Variants in WHRN observed in about 807,000 individuals in gnomAD.
WHRN encodes CASK-interacting protein CIP98.
WHRN carries 41 observed loss-of-function variants against 68.3 expected under a neutral mutation model. The observed-to-expected ratio is 0.60, with a 90% confidence interval of 0.47 to 0.78. The LOEUF is 0.78. WHRN is among the 30% of genes least tolerant of loss of function. The pLI is 0.00. For missense variants in WHRN, 1,243 were observed against 1,244.7 expected, an observed-to-expected ratio of 1.00 and a Z score of 0.02; for synonymous variants, 560 against 561.3, an observed-to-expected ratio of 1.00 and a Z score of 0.03.
intron 3 of WHRN, among the ~76,000 whole-genome samples, chr9:114,461,780 C>A (rs549260486): frequency 6.6e-6 from 1 of 152,336 alleles, no homozygotes; most frequent in East Asian, 1.9e-4. Flanking sequence ...GGTTTGGTCT[C>A]CCCTGGCATA....
Position 114,426,408 on chromosome 9 carries a change from C to T in WHRN, c.969G>A (p.Gly323=). 1 of 1,613,202 alleles carries T rather than the reference C, an allele frequency of 6.2e-7. No homozygotes were observed. Among genetic ancestry groups the T allele is most frequent in the Non-Finnish European group, 8.5e-7 (1 of 1,179,826 alleles). ...GCCCATTCACTTCTAGAATCTGGTC[C>T]CCAACCTGCCAAGATCACCACACAA... ...SEAEGSGLKV[G]DQILEVNGRS... Residue 323 remains glycine (G), a synonymous_variant, in exon 4 of 12, where the codon GGG becomes GGA. Coordinates refer to ENST00000362057, the MANE Select transcript of WHRN (RefSeq NM_015404.4).
chr9:114,463,313 C>T (rs1840396364), intron 3 of WHRN, among the ~76,000 whole-genome samples: 1 of 152,232 alleles, frequency 6.6e-6, no homozygotes, highest in African/African-American at 2.4e-5. Context: ...TGGGAAATCA[C>T]TCATCCTGCT....
intron 2 of WHRN, among the ~76,000 whole-genome samples, chr9:114,473,162 G>A (rs1017422861): frequency 6.6e-6 from 1 of 152,216 alleles, no homozygotes; most frequent in African/African-American, 2.4e-5. Flanking sequence ...GTGGGACAGG[G>A]ACACTGTAGT....
chr9:114,435,002 TC>T (rs1174345273), intron 3 of WHRN, among the ~76,000 whole-genome samples: 1 of 152,086 alleles, frequency 6.6e-6, no homozygotes, highest in Non-Finnish European at 1.5e-5. Flanking sequence ...AGACCATTGT[TC>T]CTCTGCCCAA....
chr9:114,446,902 C>A (rs1031133797), intron 3 of WHRN, among the ~76,000 whole-genome samples: 1 of 151,922 alleles, frequency 6.6e-6, no homozygotes, highest in African/African-American at 2.4e-5. Context: ...ACCCCTTCCC[C>A]CTCCCTCCCC....
intron 3 of WHRN, among the ~76,000 whole-genome samples, chr9:114,458,081 T>A (rs537655341): frequency 2.0e-5 from 3 of 152,332 alleles, no homozygotes; most frequent in South Asian, 4.1e-4. Context: ...ACATATTTTT[T>A]AAAATCTTTA....
At chr9:114,448,064 A>C (rs1294435056) in intron 3 of WHRN, among the ~76,000 whole-genome samples, 1 of 152,088 alleles carries the variant, frequency 6.6e-6, no homozygotes, top group African/African-American at 2.4e-5. Context: ...GTGTTCCCCC[A>C]AAAATATGTC....
chr9:114,410,171 T>G (rs1459743535), intron 7 of WHRN, among the ~76,000 whole-genome samples: 4 of 152,066 alleles, frequency 2.6e-5, no homozygotes, highest in Non-Finnish European at 5.9e-5. Context: ...CCCACCCCCA[T>G]CCCTGTCTAT....
At chr9:114,496,839 C>T (rs1843502253) in intron 1 of WHRN, among the ~76,000 whole-genome samples, 1 of 152,206 alleles carries the variant, frequency 6.6e-6, no homozygotes, top group Admixed American at 6.5e-5. Context: ...GGGTACATAC[C>T]ACCCTTCCTC....
At chr9:114,469,321 T>C (rs1307216616) in intron 2 of WHRN, among the ~76,000 whole-genome samples, 2 of 152,184 alleles carry the variant, frequency 1.3e-5, no homozygotes, top group Admixed American at 6.5e-5. Flanking sequence ...CTTTCGAGCC[T>C]GGAGTCTGTG....
At chr9:114,441,515 G>C (rs1029202560) in intron 3 of WHRN, among the ~76,000 whole-genome samples, 3 of 152,176 alleles carry the variant, frequency 2.0e-5, no homozygotes, top group Admixed American at 6.5e-5. Flanking sequence ...CTGGTTCCAA[G>C]GCTGGGCAGG....
At chr9:114,433,093 C>T (rs1373816224) in intron 3 of WHRN, among the ~76,000 whole-genome samples, 1 of 152,214 alleles carries the variant, frequency 6.6e-6, no homozygotes, top group Admixed American at 6.5e-5. Context: ...ATTCTACCAG[C>T]CAGCAAGGCC....
intron 3 of WHRN, among the ~76,000 whole-genome samples, chr9:114,434,098 G>C (rs908669999): frequency 4.6e-5 from 7 of 151,540 alleles, no homozygotes; most frequent in African/African-American, 1.7e-4. Context: ...AAAGTAAACA[G>C]AGAAATTACA....
chr9:114,466,836 G>A (rs934163246), intron 2 of WHRN, among the ~76,000 whole-genome samples: 5 of 151,994 alleles, frequency 3.3e-5, no homozygotes, highest in Middle Eastern at 3.2e-3. Flanking sequence ...GCCAGGTCAC[G>A]GCAGCCACCA....
chr9:114,409,974 C>G (rs1835313818), intron 7 of WHRN, among the ~76,000 whole-genome samples: 1 of 152,052 alleles, frequency 6.6e-6, no homozygotes, highest in African/African-American at 2.4e-5. Flanking sequence ...AAGTTCCAAA[C>G]CCTACTCATT....
chr9:114,477,084 G>A (rs985597085), intron 2 of WHRN, among the ~76,000 whole-genome samples: 8 of 152,140 alleles, frequency 5.3e-5, no homozygotes, highest in African/African-American at 1.4e-4. Flanking sequence ...ACCTTGACGC[G>A]GCCCGGGCTG....
chr9:114,488,917 T>G (rs962454154), intron 1 of WHRN, among the ~76,000 whole-genome samples: 1 of 152,162 alleles, frequency 6.6e-6, no homozygotes, highest in Non-Finnish European at 1.5e-5. Context: ...ACGTGGACTC[T>G]GACCCTTCCC....
At chr9:114,445,795 T>C (rs774463205) in intron 3 of WHRN, among the ~76,000 whole-genome samples, 3 of 152,192 alleles carry the variant, frequency 2.0e-5, no homozygotes, top group Non-Finnish European at 4.4e-5. Context: ...CTGGCATAGA[T>C]AGGCTTGGAG....
intron 1 of WHRN, among the ~76,000 whole-genome samples, chr9:114,499,114 G>A (rs554795745): frequency 1.3e-5 from 2 of 152,298 alleles, no homozygotes; most frequent in African/African-American, 4.8e-5. Context: ...ACCGAAAACT[G>A]CTTTAATAAA....
Sources: gnomAD v4.1 joint callset for allele counts (sites outside exome capture counted in the v4.1 genomes callset) on GRCh38, gnomAD v4.1.1 for gene constraint, MANE v1.5 for transcripts, NCBI Gene and HGNC (gene_info 2026-07-23, HGNC 2026-07-21) for gene names.